CDH9: variants seen among roughly 807,000 people sequenced by gnomAD.
CDH9 encodes cadherin 9.
A neutral mutation model predicts 70.9 loss-of-function variants in CDH9; 28 were observed. That is an observed-to-expected ratio of 0.40 (90% confidence interval 0.29 to 0.54). The LOEUF is 0.54. Among genes scored for constraint, CDH9 ranks in the 20% least tolerant of loss-of-function variants. The pLI is 0.59. For synonymous variants in CDH9, 409 were observed against 343.1 expected, an observed-to-expected ratio of 1.19 and a Z score of -2.12; for missense variants, 874 against 984.4, an observed-to-expected ratio of 0.89 and a Z score of 1.50.
chr5:26,961,422 A>G (rs1005987859), intron 2 of CDH9, among the ~76,000 whole-genome samples: 5 of 152,032 alleles, frequency 3.3e-5, no homozygotes, highest in African/African-American at 9.7e-5. Context: ...AATGGTTATA[A>G]TTTTTAAAAT....
chr5:26,903,823 A>G lies in CDH9; in HGVS notation c.813T>C (p.Ser271=). The change falls in exon 6 of 12, where the codon AGT becomes AGC. Residue 271 remains serine, a splice_region_variant and synonymous_variant. Coordinates refer to ENST00000231021, the MANE Select transcript of CDH9 (RefSeq NM_016279.4). ...ACTCAGGAGAATTAAATTGATACGTACCTATAAATTAAGTAAGAGCTGTTT... is the reference window on the plus strand; with the variant it reads ...ACTCAGGAGAATTAAATTGATACGTGCCTATAAATTAAGTAAGAGCTGTTT... ...VNNNPPRFPQ[S]TYQFNSPESV... is the part of the protein sequence containing the mutation. The G allele has an allele frequency of 6.6e-7, 1 of 1,511,916 alleles. No individual in the cohort carries two copies. The highest frequency in any genetic ancestry group is 9.0e-7 in the Non-Finnish European group (1 of 1,117,282). The allele number at this position is 1,511,916 out of a possible 1,614,324, so 93.7% of individuals were successfully genotyped here. A position where few individuals can be genotyped will look rare whatever the true frequency, so the allele number is the denominator to read the frequency against.
At chr5:27,005,094 G>C (rs1376353702) in intron 1 of CDH9, among the ~76,000 whole-genome samples, 1 of 152,040 alleles carries the variant, frequency 6.6e-6, no homozygotes. Flanking sequence ...TAATAGGATG[G>C]ACAATTCTTA....
intron 1 of CDH9, among the ~76,000 whole-genome samples, chr5:27,005,791 TA>T (rs901555456): frequency 1.7e-4 from 25 of 151,432 alleles, no homozygotes; most frequent in Admixed American, 1.1e-3. Context: ...ACAGACTGGA[TA>T]AAAAAAAATT....
intron 3 of CDH9, among the ~76,000 whole-genome samples, chr5:26,912,502 A>G (rs1390375141): frequency 6.8e-6 from 1 of 147,196 alleles, no homozygotes; most frequent in Non-Finnish European, 1.5e-5. Flanking sequence ...GTGATTATAT[A>G]TAGTTTTATA....
rs1742707656 is a variant in CDH9 at position 26,998,593 on chromosome 5, C to CG, written c.-49-10212dup. Reference sequence around the variant, plus strand: ...CGGGGTCTGTTGTGGGGTGGGGAGACGGGGGAGGGATAGCATTTGGAGATA... The same window carrying CG: ...CGGGGTCTGTTGTGGGGTGGGGAGACGGGGGGAGGGATAGCATTTGGAGATA... On this transcript the variant is annotated intron_variant, in intron 1 of 11. Coordinates refer to ENST00000231021, the MANE Select transcript of CDH9 (RefSeq NM_016279.4). Among the ~76,000 whole-genome samples the CG allele has an allele frequency of 4.0e-5, 6 of 151,454 alleles. No homozygotes were observed. In the South Asian group the frequency reaches 1.3e-3, roughly 32 times the overall value.
At chr5:26,981,032 C>A (rs376685658) in intron 2 of CDH9, among the ~76,000 whole-genome samples, 2 of 152,020 alleles carry the variant, frequency 1.3e-5, no homozygotes, top group Admixed American at 1.3e-4. Flanking sequence ...GCATAACTAA[C>A]GCCCCATGTC....
chr5:26,990,904 T>C lies in CDH9; in HGVS notation c.-49-2522A>G, dbSNP rs1473497955. Among the ~76,000 whole-genome samples the C allele has an allele frequency of 5.9e-5, 9 of 152,310 alleles. No individual in the cohort carries two copies. In the East Asian group the frequency reaches 1.7e-3, roughly 29 times the overall value. ...TTCTAACTATGATGCCCATTTTGTG[T>C]GGAACATAGGCCTTTGAGCGGAATA... On this transcript the variant is annotated intron_variant, in intron 1 of 11. Coordinates refer to ENST00000231021, the MANE Select transcript of CDH9 (RefSeq NM_016279.4).
At chr5:26,974,346 CT>C (rs35087435) in intron 2 of CDH9, among the ~76,000 whole-genome samples, 10 of 151,134 alleles carry the variant, frequency 6.6e-5, no homozygotes, top group South Asian at 4.2e-4. Flanking sequence ...ATGATAGGTG[CT>C]TTTTTTTTAT....
At chr5:26,996,189 A>G (rs1269148107) in intron 1 of CDH9, among the ~76,000 whole-genome samples, 1 of 151,984 alleles carries the variant, frequency 6.6e-6, no homozygotes, top group African/African-American at 2.4e-5. Flanking sequence ...CTCAGCTGAA[A>G]TGTACAAATA....
chr5:26,908,779 C>T (rs1314590048), intron 3 of CDH9, among the ~76,000 whole-genome samples: 1 of 152,158 alleles, frequency 6.6e-6, no homozygotes, highest in Non-Finnish European at 1.5e-5. Flanking sequence ...TGTTCCACCT[C>T]TCAGAGCTCT....
rs1740443339 is a variant in CDH9 at position 26,880,605 on chromosome 5, A to G, written c.*531T>C. ...AATTAAATAAAATGAAATGTGTTTT[A>G]TAAATACTAGTTTATTTCATAAAAA... On this transcript the variant is annotated 3_prime_UTR_variant, in exon 12 of 12. Coordinates refer to ENST00000231021, the MANE Select transcript of CDH9 (RefSeq NM_016279.4). 6.6e-6 allele frequency: 1 copy of G among 152,342 alleles called. No homozygotes were observed. Among genetic ancestry groups the G allele is most frequent in the Admixed American group, 6.6e-5 (1 of 15,226 alleles). 9.4% of individuals were successfully genotyped at this position (152,342 alleles called of 1,614,324 possible). A position where few individuals can be genotyped will look rare whatever the true frequency, so the allele number is the denominator to read the frequency against.
chr5:27,032,201 A>G (rs1169132801), intron 1 of CDH9, among the ~76,000 whole-genome samples: 3 of 151,568 alleles, frequency 2.0e-5, no homozygotes, highest in African/African-American at 4.8e-5. Context: ...ATTGATATTC[A>G]CCATTTGTAT....
At chr5:26,882,409 A>C (rs2111962733) in intron 11 of CDH9, among the ~76,000 whole-genome samples, 1 of 152,168 alleles carries the variant, frequency 6.6e-6, no homozygotes, top group Non-Finnish European at 1.5e-5. Context: ...TATTGTTTAC[A>C]TGTCTATGTT....
At chr5:26,969,915 T>A (rs1011926899) in intron 2 of CDH9, among the ~76,000 whole-genome samples, 7 of 147,688 alleles carry the variant, frequency 4.7e-5, no homozygotes, top group African/African-American at 1.5e-4. Flanking sequence ...AGTGCATATG[T>A]ACAAATATAT....
chr5:26,973,956 T>G (rs1742262462), intron 2 of CDH9, among the ~76,000 whole-genome samples: 1 of 152,140 alleles, frequency 6.6e-6, no homozygotes, highest in Admixed American at 6.5e-5. Context: ...AAGAAAAGGC[T>G]GTCTATAGCT....
In CDH9 at chr5:26,939,131, T is replaced by G. The variant is rs184080711; in HGVS notation, c.229-23207A>C. ...GGAAGGAAATGTTTAATATTGTAAA[T>G]ATGTCGATTCTCCCAATATCACTTT... On this transcript the variant is annotated intron_variant, in intron 2 of 11. Transcript: ENST00000231021. 8.6e-5 allele frequency among the ~76,000 whole-genome samples: 13 copies of G among 152,012 alleles called. No individual in the cohort carries two copies. The East Asian group carries it at 1.9e-3, about 23-fold the overall frequency.
At chr5:26,991,032 G>C (rs1742571634) in intron 1 of CDH9, among the ~76,000 whole-genome samples, 1 of 152,174 alleles carries the variant, frequency 6.6e-6, no homozygotes, top group African/African-American at 2.4e-5. Context: ...CAGTGCGATT[G>C]AAAGCAGTTG....
chr5:26,905,063 C>A (rs925967762), intron 5 of CDH9, among the ~76,000 whole-genome samples: 2 of 151,952 alleles, frequency 1.3e-5, no homozygotes, highest in African/African-American at 4.8e-5. Flanking sequence ...ATATGTCCAC[C>A]AATCAAAGAT....
intron 1 of CDH9, among the ~76,000 whole-genome samples, chr5:26,995,790 T>C (rs561553317): frequency 7.9e-5 from 12 of 152,256 alleles, no homozygotes; most frequent in African/African-American, 2.9e-4. Flanking sequence ...ATGCTTTGCA[T>C]TTTAATCACA....
Sources: gnomAD v4.1 joint callset for allele counts (sites outside exome capture counted in the v4.1 genomes callset) on GRCh38, gnomAD v4.1.1 for gene constraint, MANE v1.5 for transcripts, NCBI Gene and HGNC (gene_info 2026-07-23, HGNC 2026-07-21) for gene names.